The following IL1RAPL1 variants were observed in gnomAD, a reference collection of about 807,000 sequenced individuals.
IL1RAPL1 encodes interleukin-1 receptor accessory protein-like 1.
A neutral mutation model predicts 48.4 loss-of-function variants in IL1RAPL1; 3 were observed. The ratio of observed to expected loss-of-function variants is 0.06; its 90% CI spans 0.03 to 0.16. The LOEUF is 0.16. Ranked by LOEUF, IL1RAPL1 falls within the 10% of genes least tolerant of loss-of-function variation. The pLI, the probability that IL1RAPL1 is intolerant of heterozygous loss-of-function variation, is 1.00. For synonymous variants in IL1RAPL1, 185 were observed against 187.7 expected (o/e 0.99, Z 0.12); for missense variants, 349 against 530.6 (o/e 0.66, Z 3.36).
At chrX:29,485,451 G>T (rs981456375) in intron 5 of IL1RAPL1, among the ~76,000 whole-genome samples, 2 of 111,588 alleles carry the variant, frequency 1.8e-5, no homozygotes, top group African/African-American at 6.5e-5. Context: ...ATACACCTCT[G>T]CAAGGTATGT....
intron 1 of IL1RAPL1, among the ~76,000 whole-genome samples, chrX:28,589,772 C>T (rs781681409): frequency 4.5e-5 from 5 of 111,864 alleles, no homozygotes; most frequent in African/African-American, 9.8e-5. Context: ...GCTTCCACAG[C>T]GTGTCAGAAA....
intron 5 of IL1RAPL1, among the ~76,000 whole-genome samples, chrX:29,629,249 A>G (rs1924699816): frequency 8.9e-6 from 1 of 112,073 alleles, no homozygotes; most frequent in Non-Finnish European, 1.9e-5. Context: ...TTCCTAAGAA[A>G]GAATTTTGTC....
intron 2 of IL1RAPL1, among the ~76,000 whole-genome samples, chrX:28,992,502 G>GAAAAAAAAAAAAAAAAAAAAAAAAAA (rs60650174): frequency 4.0e-5 from 2 of 49,599 alleles, no homozygotes; most frequent in Admixed American, 2.7e-4. Flanking sequence ...AAAAAAAAAA[G>GAAAAAAAAAAAAAAAAAAAAAAAAAA]AAAAAAAAAA....
chrX:29,295,468 ACTTTGCAT>A lies in IL1RAPL1; in HGVS notation c.362+12270_362+12277del, dbSNP rs761746075. On this transcript the variant is annotated intron_variant, in intron 3 of 10. Transcript: ENST00000378993. ...AGATCATCTTAAAGGCAAAGGTGTA[ACTTTGCAT>A]CTTTGCATCTTTGCATCTCTTATTA... 1.8e-4 allele frequency among the ~76,000 whole-genome samples: 20 copies of A among 112,062 alleles called. No individual in the cohort carries two copies. In the East Asian group the frequency reaches 4.2e-3, roughly 24 times the overall value.
chrX:29,460,915 A>G (rs1373279221), intron 5 of IL1RAPL1, among the ~76,000 whole-genome samples: 1 of 111,814 alleles, frequency 8.9e-6, no homozygotes, highest in Non-Finnish European at 1.9e-5. Flanking sequence ...CATGAACAAG[A>G]TAATAAATAT....
At chrX:29,779,840 A>G (rs1317921200) in intron 6 of IL1RAPL1, among the ~76,000 whole-genome samples, 2 of 111,496 alleles carry the variant, frequency 1.8e-5, no homozygotes, top group Non-Finnish European at 3.8e-5. Context: ...ATTATAATTT[A>G]TCTTCATTAG....
chrX:29,075,312 C>G (rs751314078), intron 2 of IL1RAPL1, among the ~76,000 whole-genome samples: 10 of 111,569 alleles, frequency 9.0e-5, no homozygotes, highest in South Asian at 3.7e-4. Flanking sequence ...ATAGGGTAAT[C>G]TCTTTTTGTT....
At chrX:29,344,165 G>A (rs189487107) in intron 3 of IL1RAPL1, among the ~76,000 whole-genome samples, 9 of 112,255 alleles carry the variant, frequency 8.0e-5, no homozygotes, top group African/African-American at 9.7e-5. Flanking sequence ...AAATTTCACC[G>A]ATGTGAGATT....
chrX:28,650,007 GC>G (rs1934665294), intron 1 of IL1RAPL1, among the ~76,000 whole-genome samples: 1 of 111,340 alleles, frequency 9.0e-6, no homozygotes, highest in Non-Finnish European at 1.9e-5. Flanking sequence ...CTTTTACTTG[GC>G]CCTCACGTGT....
intron 2 of IL1RAPL1, among the ~76,000 whole-genome samples, chrX:29,160,733 G>T (rs1929665458): frequency 8.9e-6 from 1 of 112,303 alleles, no homozygotes; most frequent in Non-Finnish European, 1.9e-5. Flanking sequence ...TAGTCTGGGA[G>T]AAAATTTAAC....
chrX:29,880,542 T>G lies in IL1RAPL1; in HGVS notation c.779-36922T>G, dbSNP rs140153421. On this transcript the variant is annotated intron_variant, in intron 6 of 10. Transcript: ENST00000378993. The stretch of plus-strand genomic sequence containing the variant: ...AGGTAAATGAATTATGTTCGTTTTA[T>G]GGCAACATCCAAATATTTTGTGTTT... Among the ~76,000 whole-genome samples, 1,013 of 112,152 alleles carry G rather than the reference T, an allele frequency of 9.0e-3. 15 individuals carry two copies. Among genetic ancestry groups the G allele is most frequent in the African/African-American group, 0.031 (967 of 30,982 alleles).
At chrX:29,272,426 C>T (rs1286898326) in intron 2 of IL1RAPL1, among the ~76,000 whole-genome samples, 1 of 111,333 alleles carries the variant, frequency 9.0e-6, no homozygotes, top group Non-Finnish European at 1.9e-5. Context: ...CTTGGTTTGG[C>T]TGGATATGAG....
At chrX:28,872,594 T>A (rs926387816) in intron 2 of IL1RAPL1, among the ~76,000 whole-genome samples, 8 of 111,077 alleles carry the variant, frequency 7.2e-5, no homozygotes, top group Non-Finnish European at 5.7e-5. Context: ...CAAATTTGAT[T>A]TTTTTTTTAT....
At chrX:29,230,911 G>A (rs763091464) in intron 2 of IL1RAPL1, among the ~76,000 whole-genome samples, 2 of 111,480 alleles carry the variant, frequency 1.8e-5, no homozygotes, top group East Asian at 5.6e-4. Context: ...CTAACTCATG[G>A]TAGTCTGAAA....
chrX:29,480,141 C>G (rs1405712544), intron 5 of IL1RAPL1, among the ~76,000 whole-genome samples: 1 of 108,922 alleles, frequency 9.2e-6, no homozygotes, highest in Non-Finnish European at 1.9e-5. Context: ...ATGACCACTT[C>G]TTGTCCAAAT....
chrX:29,447,456 T>G (rs185060510), intron 5 of IL1RAPL1, among the ~76,000 whole-genome samples: 124 of 112,209 alleles, frequency 1.1e-3, no homozygotes, highest in African/African-American at 3.9e-3. Context: ...TGTATTATAA[T>G]TGTCCTAGAA....
At chrX:29,201,274 A>C (rs1351213991) in intron 2 of IL1RAPL1, among the ~76,000 whole-genome samples, 1 of 111,946 alleles carries the variant, frequency 8.9e-6, no homozygotes, top group Non-Finnish European at 1.9e-5. Context: ...TTTCAAGTAC[A>C]TTTATATTTA....
chrX:29,098,936 A>G (rs1185332166), intron 2 of IL1RAPL1, among the ~76,000 whole-genome samples: 1 of 111,967 alleles, frequency 8.9e-6, no homozygotes, highest in Non-Finnish European at 1.9e-5. Context: ...GGATCATCTG[A>G]GGTCAGGAGT....
intron 2 of IL1RAPL1, among the ~76,000 whole-genome samples, chrX:29,106,494 A>G (rs1928449550): frequency 8.9e-6 from 1 of 111,952 alleles, no homozygotes; most frequent in Non-Finnish European, 1.9e-5. Context: ...TAAAATTGAG[A>G]TGGAGTGAGA....
Sources: gnomAD v4.1 joint callset for allele counts (sites outside exome capture counted in the v4.1 genomes callset) on GRCh38, gnomAD v4.1.1 for gene constraint, MANE v1.5 for transcripts, NCBI Gene and HGNC (gene_info 2026-07-23, HGNC 2026-07-21) for gene names.